CABP1: variants seen among roughly 807,000 people sequenced by gnomAD.
CABP1 encodes the protein calcium binding protein 1.
CABP1 carries 17 observed loss-of-function variants against 34.3 expected under a neutral mutation model. That is an observed-to-expected ratio of 0.50 (90% CI 0.34 to 0.74). CABP1 has a LOEUF of 0.74. Ranked by LOEUF, CABP1 falls within the 30% of genes least tolerant of loss-of-function variation. CABP1 has a pLI of 0.01. For synonymous variants in CABP1, 198 were observed against 229.2 expected (o/e 0.86, Z 1.23); for missense variants, 373 against 511.1 (o/e 0.73, Z 2.61).
At chr12:120,673,752 G>T in the CABP1 span, among the ~76,000 whole-genome samples, 3 of 152,180 alleles carry the variant, frequency 2.0e-5, no homozygotes, top group African/African-American at 7.2e-5. Context: ...TGATGTTATA[G>T]GGAGGCAGGA....
chr12:120,670,417 C>T (rs1881212931), downstream of CABP1, among the ~76,000 whole-genome samples: 1 of 152,192 alleles, frequency 6.6e-6, no homozygotes, highest in Admixed American at 6.6e-5. Context: ...CACTACCTTC[C>T]CTGCTGGGGA....
At chr12:120,654,509 A>T (rs2137345324) in intron 1 of CABP1, among the ~76,000 whole-genome samples, 1 of 152,276 alleles carries the variant, frequency 6.6e-6, no homozygotes, top group East Asian at 1.9e-4. Flanking sequence ...ATGCAGTAGG[A>T]TGGAAGGATA....
Position 120,641,370 on chromosome 12 carries a change from G to T in CABP1, c.654+31G>T. 2.4e-6 allele frequency: 3 copies of T among 1,255,916 alleles called. No homozygotes were observed. The highest frequency in any genetic ancestry group is 3.0e-5 in the South Asian group (1 of 33,108). 77.8% of individuals were successfully genotyped at this position (1,255,916 alleles called of 1,614,324 possible). The stretch of plus-strand genomic sequence containing the variant: ...GGCCGCGCCTCCCGTCAGCGCTCCC[G>T]GGAAAGGCGCTCGGGACCCTGCCGG... On this transcript the variant is annotated intron_variant, in intron 1 of 5. Transcript: ENST00000316803. The surrounding 1 kb of genome is among the most constrained non-coding windows in gnomAD (Gnocchi z 6.7).
the CABP1 span, among the ~76,000 whole-genome samples, chr12:120,676,412 G>A: frequency 6.6e-6 from 1 of 151,730 alleles, no homozygotes; most frequent in East Asian, 1.9e-4. Flanking sequence ...GAATAAAACA[G>A]CTGCTTTCTT....
In CABP1 at chr12:120,661,532, TATCC is replaced by T. The variant is rs1044681162; in HGVS notation, c.1087+327_1087+330del. The T allele has an allele frequency of 2.5e-4, 76 of 299,420 alleles. No individual in the cohort carries two copies. Among genetic ancestry groups the T allele is most frequent in the African/African-American group, 1.2e-3 (53 of 45,586 alleles). 18.5% of individuals were successfully genotyped at this position (299,420 alleles called of 1,614,324 possible). A position where few individuals can be genotyped will look rare whatever the true frequency, so the allele number is the denominator to read the frequency against. ...CCATCCATCCATTTATCTACCCATCTATCCATCCATCCATCCTCTACCTATCCAT... is the reference window on the plus strand; with the variant it reads ...CCATCCATCCATTTATCTACCCATCTATCCATCCATCCTCTACCTATCCAT... On this transcript the variant is annotated intron_variant, in intron 5 of 5. Transcript: ENST00000316803. This position sits in a 1 kb window ranked among gnomAD's most constrained non-coding sequence, Gnocchi z 5.1.
chr12:120,642,306 G>A (rs1008619516), intron 1 of CABP1, among the ~76,000 whole-genome samples: 5 of 152,198 alleles, frequency 3.3e-5, no homozygotes, highest in East Asian at 1.9e-4. Context: ...AAACAGGGGG[G>A]GCTGTGCCTT....
the CABP1 span, among the ~76,000 whole-genome samples, chr12:120,674,939 T>C: frequency 6.6e-6 from 1 of 151,624 alleles, no homozygotes; most frequent in Non-Finnish European, 1.5e-5. Context: ...ATACCAAGCA[T>C]CTGGTTTCTG....
chr12:120,666,834 T>C, intron 5 of CABP1, 41 bp from the exon 6 acceptor site: 2 of 1,587,564 alleles, frequency 1.3e-6, no homozygotes, highest in South Asian at 1.1e-5. Context: ...GGGAGGCCTC[T>C]GGCTGCTGCT....
intron 1 of CABP1, among the ~76,000 whole-genome samples, chr12:120,653,168 G>T (rs2137341956): frequency 6.6e-6 from 1 of 152,158 alleles, no homozygotes; most frequent in African/African-American, 2.4e-5. Context: ...CACTTCCTCT[G>T]CAGCCAGAAG....
rs760834876 is a variant in CABP1, at chr12:120,656,005, C to T, written c.655-3873C>T. The T allele has an allele frequency of 4.1e-5, 65 of 1,589,330 alleles. No homozygotes were observed. The highest frequency in any genetic ancestry group is 2.4e-4 in the South Asian group (21 of 88,298). ...CCTTGACTCTCAGGGTCCCCTCTTG[C>T]GGAAAGCCCCTCCCGGGACCAGGAG... is the stretch of plus-strand genomic sequence containing the variant. On this transcript the variant is annotated intron_variant, in intron 1 of 5. Transcript: ENST00000316803.
chr12:120,656,159 G>T, intron 1 of CABP1: 1 of 1,613,964 alleles, frequency 6.2e-7, no homozygotes, highest in Non-Finnish European at 8.5e-7. Context: ...GGCGGCTGAC[G>T]CCGAGCTCCC....
At chr12:120,646,727 G>A (rs964963155) in intron 1 of CABP1, among the ~76,000 whole-genome samples, 2 of 152,052 alleles carry the variant, frequency 1.3e-5, no homozygotes, top group Non-Finnish European at 2.9e-5. Flanking sequence ...TGCCCAGGCT[G>A]GTCTTGAACT....
In CABP1 at chr12:120,640,716, C is replaced by T. The variant is rs1262899945; in HGVS notation, c.31C>T (p.Arg11Trp). The T allele has an allele frequency of 8.5e-6, 10 of 1,182,388 alleles. No individual in the cohort carries two copies. The highest frequency in any genetic ancestry group is 4.6e-5 in the Admixed American group (1 of 21,806). 73.2% of individuals were successfully genotyped at this position (1,182,388 alleles called of 1,614,324 possible). A position where few individuals can be genotyped will look rare whatever the true frequency, so the allele number is the denominator to read the frequency against. MGGGDGAAFK[R>W]PGDGARLQRV... ...CGGCGGCGACGGGGCCGCATTTAAG[C>T]GGCCGGGGGACGGCGCCCGCCTCCA... Residue 11 changes from arginine (R) to tryptophan (W), a missense_variant, in exon 1 of 6, where the codon CGG (arginine) becomes TGG (tryptophan). By Grantham distance (101) the Arg-to-Trp change is moderately radical. Transcript: ENST00000316803. This position sits in a 1 kb window ranked among gnomAD's most constrained non-coding sequence, Gnocchi z 6.2.
intron 1 of CABP1, among the ~76,000 whole-genome samples, chr12:120,646,441 A>G (rs1002032117): frequency 6.6e-6 from 1 of 152,130 alleles, no homozygotes; most frequent in African/African-American, 2.4e-5. Context: ...GCCACAGTGG[A>G]TAGAGATGGG....
the CABP1 span, among the ~76,000 whole-genome samples, chr12:120,679,198 A>G: frequency 6.6e-6 from 1 of 152,082 alleles, no homozygotes; most frequent in Non-Finnish European, 1.5e-5. Context: ...GAAACTAAGG[A>G]TCAAAGAGGT....
In CABP1 at chr12:120,649,704, G is replaced by T. The variant is rs557112729; in HGVS notation, c.654+8365G>T. Among the ~76,000 whole-genome samples, 297 of 152,198 alleles carry T rather than the reference G, an allele frequency of 2.0e-3. 1 individual carries two copies. Among genetic ancestry groups the T allele is most frequent in the African/African-American group, 6.7e-3 (280 of 41,544 alleles). Reference sequence around the variant, plus strand: ...CGCTGCCTCCGTCATGCTCCCCTCGGGGCCATCTCCTGGTTTCCTTCGGGT... The same window carrying T: ...CGCTGCCTCCGTCATGCTCCCCTCGTGGCCATCTCCTGGTTTCCTTCGGGT... On this transcript the variant is annotated intron_variant, in intron 1 of 5. Transcript: ENST00000316803.
In CABP1 at chr12:120,660,661, T is replaced by C; in HGVS notation, c.830-70T>C. On this transcript the variant is annotated intron_variant, in intron 3 of 5. Transcript: ENST00000316803. The surrounding 1 kb of genome is among the most constrained non-coding windows in gnomAD (Gnocchi z 5.0). ...CAGGTCAAGGAGGGGTTGTCCATTC[T>C]GTCAGTTGTCTAGTTGGAGACAGGG... is the stretch of plus-strand genomic sequence containing the variant. The C allele has an allele frequency of 4.8e-6, 5 of 1,050,040 alleles. No homozygotes were observed. In the Admixed American group the frequency reaches 6.9e-5, roughly 14 times the overall value. The allele number at this position is 1,050,040 out of a possible 1,614,324, so 65.0% of individuals were successfully genotyped here.
At chr12:120,669,618 G>C (rs1881180739), downstream of CABP1, among the ~76,000 whole-genome samples, 1 of 152,220 alleles carries the variant, frequency 6.6e-6, no homozygotes, top group South Asian at 2.1e-4. Flanking sequence ...GCCAGGCGTA[G>C]TGGGGCATGA....
downstream of CABP1, among the ~76,000 whole-genome samples, chr12:120,670,972 T>A (rs1881231646): frequency 6.6e-6 from 1 of 152,194 alleles, no homozygotes; most frequent in Non-Finnish European, 1.5e-5. Context: ...TGTAATCTAG[T>A]GGCCTAAGTG....
Sources: gnomAD v4.1 joint callset for allele counts (sites outside exome capture counted in the v4.1 genomes callset) on GRCh38, gnomAD v4.1.1 for gene constraint, Gnocchi (gnomAD v3.1) non-coding constraint, MANE v1.5 for transcripts, NCBI Gene and HGNC (gene_info 2026-07-23, HGNC 2026-07-21) for gene names.